Variants in AOPEP observed in about 807,000 individuals in gnomAD.
AOPEP encodes aminopeptidase O (putative), also known as aminopeptidase O.
AOPEP carries 77 observed loss-of-function variants against 98.1 expected under a neutral mutation model. The ratio of observed to expected loss-of-function variants is 0.78; its 90% confidence interval spans 0.65 to 0.95. The LOEUF (loss-of-function observed/expected upper bound fraction) is 0.95, where lower values mean the gene tolerates loss of function less well. Ranked by LOEUF, AOPEP falls within the 40% of genes least tolerant of loss-of-function variation. AOPEP has a pLI of 0.00. For synonymous variants in AOPEP, 346 were observed against 365.3 expected, an observed-to-expected ratio of 0.95 and a Z score of 0.60; for missense variants, 1,024 against 1,024.7, an observed-to-expected ratio of 1.00 and a Z score of 0.01.
intron 5 of AOPEP, among the ~76,000 whole-genome samples, chr9:94,887,090 C>T (rs1471756751): frequency 6.6e-6 from 1 of 152,004 alleles, no homozygotes; most frequent in African/African-American, 2.4e-5. Flanking sequence ...CCTGTAATCC[C>T]AGCACTTTGG....
intron 5 of AOPEP, chr9:94,900,528 G>A (rs2136226110): frequency 6.6e-6 from 1 of 152,254 alleles, no homozygotes; most frequent in East Asian, 1.9e-4. Context: ...TCTCTCAGGA[G>A]AATCTCTTGC....
At chr9:94,777,649 T>TG (rs1564115871) in intron 3 of AOPEP, among the ~76,000 whole-genome samples, 6 of 137,458 alleles carry the variant, frequency 4.4e-5, no homozygotes, top group African/African-American at 1.4e-4. Flanking sequence ...TTTTTTTTTT[T>TG]TTGAGACAGT....
At chr9:95,054,103 G>C (rs918016232) in intron 13 of AOPEP, among the ~76,000 whole-genome samples, 4 of 152,202 alleles carry the variant, frequency 2.6e-5, no homozygotes, top group African/African-American at 9.7e-5. Flanking sequence ...ATACTTTAAA[G>C]TATTCCAATT....
At chr9:94,919,404 G>T (rs571966501) in intron 5 of AOPEP, among the ~76,000 whole-genome samples, 9 of 152,146 alleles carry the variant, frequency 5.9e-5, no homozygotes, top group Non-Finnish European at 1.3e-4. Context: ...GAGGAAAGCG[G>T]AAGATGCTGA....
chr9:94,753,550 A>G (rs1049244528), intron 1 of AOPEP, among the ~76,000 whole-genome samples: 2 of 152,238 alleles, frequency 1.3e-5, no homozygotes, highest in Non-Finnish European at 2.9e-5. Flanking sequence ...GCAGAAAAAT[A>G]AAGCTAAGAA....
chr9:95,100,072 G>T, the AOPEP span: 2 of 232,290 alleles, frequency 8.6e-6, no homozygotes, highest in Non-Finnish European at 8.5e-6. Flanking sequence ...CCAGCCACAA[G>T]TTCTGGCTTA....
rs1039057243 is a variant in AOPEP, at chr9:94,956,076, A to C, written c.1872+61A>C. The C allele has an allele frequency of 7.3e-6, 7 of 959,578 alleles. No individual in the cohort carries two copies. The African/African-American group carries it at 9.7e-5, about 13-fold the overall frequency. 59.4% of individuals were successfully genotyped at this position (959,578 alleles called of 1,614,324 possible). ...ACTGGAGGGGGTATGGCACATGAAG[A>C]TTAGATTATGCCAGTATTAAAGAGT... On this transcript the variant is annotated intron_variant, in intron 9 of 16. Transcript: ENST00000375315.
chr9:94,782,235 G>GT (rs547721945), intron 3 of AOPEP, among the ~76,000 whole-genome samples: 37 of 152,166 alleles, frequency 2.4e-4, no homozygotes, highest in African/African-American at 6.7e-4. Flanking sequence ...CTCTGCTTCT[G>GT]TTTTTTGTGG....
the AOPEP span, chr9:95,110,398 C>G: frequency 9.8e-7 from 1 of 1,024,154 alleles, no homozygotes; most frequent in Non-Finnish European, 1.2e-6. Context: ...CATCTTATTA[C>G]TGTTAAAAAC....
rs1298352904 is a variant in AOPEP, at chr9:94,956,014, A to G, written c.1871A>G (p.Gln624Arg). The G allele has an allele frequency of 1.2e-6, 2 of 1,602,068 alleles. No homozygotes were observed. Among genetic ancestry groups the G allele is most frequent in the Non-Finnish European group, 1.7e-6 (2 of 1,169,618 alleles). ...TTTCATGGACAGCTGATTCTTTCCCAGGTAACTTATGGGTCCTCATGAGTC... is the reference window on the plus strand; with the variant it reads ...TTTCATGGACAGCTGATTCTTTCCCGGGTAACTTATGGGTCCTCATGAGTC... The part of the protein sequence containing the change: ...HTFHGQLILS[Q>R]DFLQMLLENI... The change falls in exon 9 of 17, where the codon CAG becomes CGG. Residue 624 changes from glutamine to arginine, a missense_variant and splice_region_variant. Coordinates refer to ENST00000375315, the MANE Select transcript of AOPEP (RefSeq NM_001193329.3).
intron 5 of AOPEP, among the ~76,000 whole-genome samples, chr9:94,858,190 A>G (rs915009044): frequency 6.6e-6 from 1 of 152,128 alleles, no homozygotes; most frequent in Non-Finnish European, 1.5e-5. Flanking sequence ...TAGGGTATGT[A>G]TAGTGGAAAT....
intron 1 of AOPEP, among the ~76,000 whole-genome samples, chr9:94,743,804 G>C (rs184540899): frequency 2.0e-5 from 3 of 152,172 alleles, no homozygotes. Flanking sequence ...GAGGGGAAAC[G>C]TGGATGGGAA....
the AOPEP span, chr9:95,113,616 A>G: frequency 1.4e-5 from 2 of 147,586 alleles, no homozygotes; most frequent in African/African-American, 5.0e-5. Flanking sequence ...AGACCTCTAC[A>G]AAAAAAAAAA....
intron 2 of AOPEP, among the ~76,000 whole-genome samples, chr9:94,767,393 C>T (rs560145551): frequency 1.1e-3 from 162 of 152,212 alleles, no homozygotes; most frequent in African/African-American, 3.7e-3. Context: ...CATAACCAAC[C>T]GAATGAGAAA....
intron 4 of AOPEP, among the ~76,000 whole-genome samples, chr9:94,795,890 A>G (rs1486006964): frequency 2.0e-5 from 3 of 152,230 alleles, no homozygotes; most frequent in Non-Finnish European, 4.4e-5. Context: ...AGAGGAGATA[A>G]AAATAAAGGT....
chr9:94,827,598 A>G (rs965082130), intron 5 of AOPEP, among the ~76,000 whole-genome samples: 7 of 152,180 alleles, frequency 4.6e-5, no homozygotes, highest in African/African-American at 1.4e-4. Context: ...TTTAAAATTT[A>G]TATGGGAACT....
At chr9:94,799,278 G>A (rs1235641998) in intron 4 of AOPEP, among the ~76,000 whole-genome samples, 1 of 152,156 alleles carries the variant, frequency 6.6e-6, no homozygotes, top group East Asian at 1.9e-4. Flanking sequence ...TAATTGGCTG[G>A]GTGCAGTGGC....
At chr9:94,905,690 A>C (rs896718063) in intron 5 of AOPEP, among the ~76,000 whole-genome samples, 1 of 152,224 alleles carries the variant, frequency 6.6e-6, no homozygotes, top group Admixed American at 6.5e-5. Context: ...ATGCTCTGGG[A>C]AACACATGCA....
chr9:95,049,172 A>G (rs1401444389), intron 13 of AOPEP: 2 of 152,220 alleles, frequency 1.3e-5, no homozygotes, highest in Admixed American at 6.5e-5. Flanking sequence ...AAGTTTGTTT[A>G]TCCACTTTAC....
Sources: allele counts gnomAD v4.1 joint callset (sites outside exome capture counted in the v4.1 genomes callset), GRCh38; gene constraint gnomAD v4.1.1; transcripts MANE v1.5; gene names NCBI Gene and HGNC (gene_info 2026-07-23, HGNC 2026-07-21).